Variants in CNTN1 observed in about 807,000 individuals in gnomAD.
CNTN1 encodes contactin-1.
CNTN1 carries 38 observed loss-of-function variants against 126.4 expected under a neutral mutation model. The ratio of observed to expected loss-of-function variants is 0.30; its 90% CI spans 0.23 to 0.39. The LOEUF is 0.39. Among genes scored for constraint, CNTN1 ranks in the 10% least tolerant of loss-of-function variants. The pLI is 1.00. For missense variants in CNTN1, 1,009 were observed against 1,248.4 expected, an observed-to-expected ratio of 0.81 and a Z score of 2.89; for synonymous variants, 413 against 422.6, an observed-to-expected ratio of 0.98 and a Z score of 0.28.
intron 23 of CNTN1, among the ~76,000 whole-genome samples, chr12:41,056,308 CAG>C: frequency 6.6e-6 from 1 of 152,206 alleles, no homozygotes; most frequent in East Asian, 1.9e-4. Context: ...CACTGAAATT[CAG>C]AGAGTTTATG....
At position 40,959,165 on chromosome 12, in the gene CNTN1, G is replaced by A; in HGVS notation, c.1735G>A (p.Gly579Arg). 1 of 1,612,772 alleles carries A rather than the reference G, an allele frequency of 6.2e-7. No individual in the cohort carries two copies. The highest frequency in any genetic ancestry group is 8.5e-7 in the Non-Finnish European group (1 of 1,179,178). ...LIRNAQLKHA[G>R]RYTCTAQTIV... ...CCGAAATGCGCAGCTGAAACATGCT[G>A]GAAGATACACATGCACTGCCCAGAC... Residue 579 changes from glycine (G) to arginine (R), a missense_variant, in exon 15 of 24, where the codon GGA becomes AGA. Physicochemically the swap from Gly to Arg is moderately radical, Grantham distance 125 (BLOSUM62 -2). Transcript: ENST00000551295.
chr12:40,922,518 C>A, intron 5 of CNTN1, 90 bp downstream of exon 5: 1 of 1,209,430 alleles, frequency 8.3e-7, no homozygotes, highest in Non-Finnish European at 1.2e-6. Flanking sequence ...GAGAGGAAGG[C>A]ATCATAGATG....
At chr12:40,835,266 G>A (rs1378356275) in intron 1 of CNTN1, among the ~76,000 whole-genome samples, 6 of 152,088 alleles carry the variant, frequency 3.9e-5, no homozygotes, top group Admixed American at 1.3e-4. Context: ...CAAGCACTTA[G>A]TATAATTGTG....
intron 1 of CNTN1, among the ~76,000 whole-genome samples, chr12:40,761,066 A>G (rs1448152109): frequency 7.9e-5 from 12 of 152,188 alleles, no homozygotes; most frequent in Non-Finnish European, 1.5e-4. Flanking sequence ...AGATTATCAT[A>G]CATGTAGCAT....
chr12:40,715,296 G>A (rs1336946508), intron 1 of CNTN1, among the ~76,000 whole-genome samples: 1 of 152,102 alleles, frequency 6.6e-6, no homozygotes, highest in African/African-American at 2.4e-5. Flanking sequence ...GCCCTAAGTA[G>A]TAACTTTAGT....
At chr12:40,955,916 G>A (rs1946862433) in intron 14 of CNTN1, among the ~76,000 whole-genome samples, 1 of 152,082 alleles carries the variant, frequency 6.6e-6, no homozygotes, top group African/African-American at 2.4e-5. Flanking sequence ...TATATGCAAA[G>A]TTTTGACGTG....
At chr12:41,039,653 C>T (rs1019909406) in intron 23 of CNTN1, among the ~76,000 whole-genome samples, 2 of 151,994 alleles carry the variant, frequency 1.3e-5, no homozygotes, top group Non-Finnish European at 2.9e-5. Context: ...GGTCAGATGA[C>T]ATAAACTTGT....
intron 1 of CNTN1, among the ~76,000 whole-genome samples, chr12:40,703,179 T>A (rs909209573): frequency 4.6e-5 from 7 of 152,264 alleles, no homozygotes; most frequent in African/African-American, 1.7e-4. Context: ...TGTTTGGATT[T>A]TGTATTTCCA....
At chr12:40,896,383 C>A (rs1353157995) in intron 1 of CNTN1, among the ~76,000 whole-genome samples, 1 of 151,772 alleles carries the variant, frequency 6.6e-6, no homozygotes, top group South Asian at 2.1e-4. Context: ...TTATATAATT[C>A]TCAGAAGTAT....
chr12:40,718,583 C>T (rs776017266), intron 1 of CNTN1, among the ~76,000 whole-genome samples: 1 of 151,912 alleles, frequency 6.6e-6, no homozygotes, highest in African/African-American at 2.4e-5. Context: ...TATTTTTGTC[C>T]TAGTGGGCAA....
chr12:40,960,600 T>G (rs1947071201), intron 15 of CNTN1, among the ~76,000 whole-genome samples: 1 of 152,096 alleles, frequency 6.6e-6, no homozygotes, highest in African/African-American at 2.4e-5. Flanking sequence ...CTAGTTGAAG[T>G]TTCTTCATCT....
At chr12:40,991,707 A>T (rs1016148394) in intron 16 of CNTN1, among the ~76,000 whole-genome samples, 4 of 152,226 alleles carry the variant, frequency 2.6e-5, no homozygotes, top group Non-Finnish European at 4.4e-5. Flanking sequence ...ATAAGCCTGT[A>T]GTCCCAGCTA....
At chr12:40,736,251 A>T (rs1479702556) in intron 1 of CNTN1, among the ~76,000 whole-genome samples, 1 of 152,110 alleles carries the variant, frequency 6.6e-6, no homozygotes, top group Non-Finnish European at 1.5e-5. Context: ...ATTAATACAT[A>T]GGCACAAGTA....
intron 1 of CNTN1, among the ~76,000 whole-genome samples, chr12:40,783,146 G>C (rs1422597586): frequency 1.3e-5 from 2 of 151,826 alleles, no homozygotes; most frequent in African/African-American, 4.8e-5. Context: ...TATTCTATAG[G>C]ACATAGAAAG....
At chr12:40,809,368 C>T (rs1016981867) in intron 1 of CNTN1, among the ~76,000 whole-genome samples, 19 of 152,088 alleles carry the variant, frequency 1.2e-4, no homozygotes, top group African/African-American at 4.3e-4. Context: ...CTTGCTGGTA[C>T]ATTAATATCC....
At chr12:40,911,598 A>ATG (rs1157260022) in intron 3 of CNTN1, among the ~76,000 whole-genome samples, 1 of 152,184 alleles carries the variant, frequency 6.6e-6, no homozygotes, top group Non-Finnish European at 1.5e-5. Flanking sequence ...TGCCTCATTC[A>ATG]TGTCTCTAAT....
chr12:40,827,837 C>A (rs1188335056), intron 1 of CNTN1, among the ~76,000 whole-genome samples: 1 of 151,956 alleles, frequency 6.6e-6, no homozygotes, highest in Non-Finnish European at 1.5e-5. Flanking sequence ...GATAGAACAG[C>A]GACTACAGGA....
At chr12:40,961,248 C>A (rs573775576) in intron 15 of CNTN1, among the ~76,000 whole-genome samples, 1 of 151,906 alleles carries the variant, frequency 6.6e-6, no homozygotes, top group Non-Finnish European at 1.5e-5. Context: ...AGAGTCATAA[C>A]CATTCTTCAA....
chr12:40,932,260 T>A (rs1321449023), intron 7 of CNTN1, among the ~76,000 whole-genome samples: 2 of 151,950 alleles, frequency 1.3e-5, no homozygotes, highest in South Asian at 4.1e-4. Flanking sequence ...TCCCCCATAC[T>A]GTTCTTGTGG....
Sources: gnomAD v4.1 joint callset for allele counts (sites outside exome capture counted in the v4.1 genomes callset) on GRCh38, gnomAD v4.1.1 for gene constraint, MANE v1.5 for transcripts, NCBI Gene and HGNC (gene_info 2026-07-23, HGNC 2026-07-21) for gene names.